CLCN4: variants seen among roughly 807,000 people sequenced by gnomAD.
The protein encoded by CLCN4 is Cl-/H+ antiporter 4, also known as H(+)/Cl(-) exchange transporter 4.
CLCN4 carries 1 observed loss-of-function variant against 41.7 expected under a neutral mutation model. That is an observed-to-expected ratio of 0.02 (90% CI 0.01 to 0.11). CLCN4 has a LOEUF of 0.11. CLCN4 is among the 10% of genes least tolerant of loss of function. The pLI, the probability that CLCN4 is intolerant of heterozygous loss-of-function variation, is 1.00. For synonymous variants in CLCN4, 277 were observed against 285.8 expected (o/e 0.97, Z 0.31); for missense variants, 287 against 661.0 (o/e 0.43, Z 6.20).
At chrX:10,219,064 TC>T (rs1924796117) in intron 11 of CLCN4, among the ~76,000 whole-genome samples, 1 of 112,997 alleles carries the variant, frequency 8.8e-6, no homozygotes, top group Non-Finnish European at 1.9e-5. Context: ...GAGCAAGAGT[TC>T]ATTGAGCTAG....
intron 4 of CLCN4, among the ~76,000 whole-genome samples, chrX:10,187,927 A>AT (rs777771625): frequency 3.2e-4 from 36 of 110,991 alleles, no homozygotes; most frequent in African/African-American, 3.3e-4. Flanking sequence ...GAAAACACAC[A>AT]TTTTTTTTGG....
chrX:10,231,310 C>A (rs759945394), intron 12 of CLCN4, among the ~76,000 whole-genome samples: 1 of 111,758 alleles, frequency 8.9e-6, no homozygotes, highest in African/African-American at 3.3e-5. Flanking sequence ...ATGAAGCAGA[C>A]GTCTTCTAAG....
chrX:10,191,692 ATTTTTTT>A (rs760315418), intron 4 of CLCN4, among the ~76,000 whole-genome samples: 14 of 49,764 alleles, frequency 2.8e-4, no homozygotes, highest in African/African-American at 1.0e-3. Context: ...TATCTGGTTA[ATTTTTTT>A]TTTTTTTTTT....
chrX:10,212,381 G>A lies in CLCN4; in HGVS notation c.1390-86G>A, dbSNP rs953842349. The A allele has an allele frequency of 2.6e-5, 25 of 950,169 alleles. No individual in the cohort carries two copies. The Admixed American group carries it at 2.9e-4, about 11-fold the overall frequency. 78.3% of individuals were successfully genotyped at this position (950,169 alleles called of 1,213,427 possible). On this transcript the variant is annotated intron_variant, in intron 9 of 12. Coordinates refer to ENST00000380833, the MANE Select transcript of CLCN4 (RefSeq NM_001830.4). ...GAAGACTGAAGCTAAATGCAAGCCC[G>A]TCGAGGGGGAATGTGTTTCTTGGGG...
Position 10,233,991 on chromosome X carries a change from C to T in CLCN4, c.*407C>T, listed in dbSNP as rs1045719650. 16 of 117,179 alleles carry T rather than the reference C, an allele frequency of 1.4e-4. No homozygotes were observed. Among genetic ancestry groups the T allele is most frequent in the Non-Finnish European group, 2.8e-4 (16 of 56,358 alleles). The allele number at this position is 117,179 out of a possible 1,213,427, so 9.7% of individuals were successfully genotyped here. On this transcript the variant is annotated 3_prime_UTR_variant, in exon 13 of 13. Transcript: ENST00000380833. ...TTGAGTCCAAAAGACAAAGGGGCATCGGCATGTCAGCGTCCTTATTTATTG... is the reference window on the plus strand; with the variant it reads ...TTGAGTCCAAAAGACAAAGGGGCATTGGCATGTCAGCGTCCTTATTTATTG...
At chrX:10,170,039 C>T (rs916816523) in intron 2 of CLCN4, among the ~76,000 whole-genome samples, 69 of 111,335 alleles carry the variant, frequency 6.2e-4, no homozygotes, top group Non-Finnish European at 1.0e-3. Context: ...CCACCTGCCT[C>T]GGCCTCCCAA....
intron 3 of CLCN4, among the ~76,000 whole-genome samples, chrX:10,185,999 A>T (rs994995432): frequency 1.8e-5 from 2 of 111,379 alleles, no homozygotes; most frequent in African/African-American, 6.5e-5. Flanking sequence ...GGGGATCAGG[A>T]TGGAGAGGTA....
intron 2 of CLCN4, among the ~76,000 whole-genome samples, chrX:10,175,951 T>C (rs866454834): frequency 4.2e-3 from 248 of 59,339 alleles, no homozygotes; most frequent in East Asian, 9.1e-3. Flanking sequence ...TCTCCCTCTC[T>C]CTCTCTCTCT....
At chrX:10,191,357 G>C (rs1923957034) in intron 4 of CLCN4, among the ~76,000 whole-genome samples, 1 of 112,198 alleles carries the variant, frequency 8.9e-6, no homozygotes, top group Non-Finnish European at 1.9e-5. Context: ...GTTGTAGCAC[G>C]TGTCAGTACT....
chrX:10,194,004 A>G (rs749223228), intron 4 of CLCN4, among the ~76,000 whole-genome samples: 1 of 108,066 alleles, frequency 9.3e-6, no homozygotes, highest in South Asian at 4.2e-4. Flanking sequence ...AAGGAGAGGA[A>G]GAGGTTGAAG....
intron 2 of CLCN4, among the ~76,000 whole-genome samples, chrX:10,182,429 AT>A (rs1327843660): frequency 8.9e-6 from 1 of 111,792 alleles, no homozygotes. Flanking sequence ...GACCTAGATG[AT>A]TTTTTCCCCC....
intron 2 of CLCN4, among the ~76,000 whole-genome samples, chrX:10,180,419 C>T (rs994358095): frequency 9.0e-5 from 10 of 111,010 alleles, no homozygotes; most frequent in Non-Finnish European, 1.1e-4. Flanking sequence ...CAGCTTCTGC[C>T]GGGTCTCTCT....
chrX:10,174,264 G>T (rs1465997111), intron 2 of CLCN4, among the ~76,000 whole-genome samples: 2 of 112,245 alleles, frequency 1.8e-5, no homozygotes, highest in Non-Finnish European at 3.8e-5. Context: ...CCCATAGCCG[G>T]TCATTGTGCC....
chrX:10,217,170 A>G (rs1924746509), intron 11 of CLCN4, among the ~76,000 whole-genome samples: 4 of 107,819 alleles, frequency 3.7e-5, no homozygotes, highest in South Asian at 4.1e-4. Context: ...GCGCGATCAT[A>G]GCTCACTGCA....
In CLCN4 at chrX:10,187,860, T is replaced by C. The variant is rs904564504; in HGVS notation, c.244+246T>C. ...ACAGGCTTCTGAAGAGCTGTGACGA[T>C]AGAGCTGGTAGCCTTTCCACACAGA... On this transcript the variant is annotated intron_variant, in intron 4 of 12. Transcript: ENST00000380833. 5.3e-5 allele frequency among the ~76,000 whole-genome samples: 6 copies of C among 112,722 alleles called. No homozygotes were observed. In the Admixed American group the frequency reaches 5.6e-4, roughly 11 times the overall value.
chrX:10,172,606 G>T (rs1229693317), intron 2 of CLCN4, among the ~76,000 whole-genome samples: 6 of 110,985 alleles, frequency 5.4e-5, no homozygotes, highest in Non-Finnish European at 1.1e-4. Context: ...CTTCCTTCCT[G>T]TGTCTGCTCA....
At chrX:10,186,657 A>G (rs989058260) in intron 3 of CLCN4, among the ~76,000 whole-genome samples, 11 of 111,538 alleles carry the variant, frequency 9.9e-5, no homozygotes, top group African/African-American at 3.3e-4. Flanking sequence ...AGGCTCAGTC[A>G]TGAAGATGTT....
intron 2 of CLCN4, among the ~76,000 whole-genome samples, chrX:10,163,993 G>A (rs1923179857): frequency 8.9e-6 from 1 of 112,898 alleles, no homozygotes; most frequent in Admixed American, 9.3e-5. Context: ...TAGGCAGTGG[G>A]ATACATGTTA....
At chrX:10,196,651 A>G (rs138588280) in intron 5 of CLCN4, among the ~76,000 whole-genome samples, 14 of 108,774 alleles carry the variant, frequency 1.3e-4, no homozygotes, top group Admixed American at 8.0e-4. Flanking sequence ...AATTCCTTCA[A>G]ATCTCAGAAG....
Sources: gnomAD v4.1 joint callset for allele counts (sites outside exome capture counted in the v4.1 genomes callset) on GRCh38, gnomAD v4.1.1 for gene constraint, MANE v1.5 for transcripts, NCBI Gene and HGNC (gene_info 2026-07-23, HGNC 2026-07-21) for gene names.